Variants in MYO1D observed in about 807,000 individuals in gnomAD.
The protein encoded by MYO1D is myosin ID.
MYO1D carries 83 observed loss-of-function variants against 122.0 expected under a neutral mutation model. That is an observed-to-expected ratio of 0.68 (90% CI 0.57 to 0.82). MYO1D has a LOEUF of 0.82. Ranked by LOEUF, MYO1D falls within the 40% of genes least tolerant of loss-of-function variation. The pLI is 0.00. For missense variants in MYO1D, 1,157 were observed against 1,269.5 expected (o/e 0.91, Z 1.35); for synonymous variants, 464 against 446.9 (o/e 1.04, Z -0.48).
intron 16 of MYO1D, among the ~76,000 whole-genome samples, chr17:32,668,452 G>C (rs1173619113): frequency 6.6e-6 from 1 of 152,160 alleles, no homozygotes; most frequent in Non-Finnish European, 1.5e-5. Flanking sequence ...TTAGTGGTTT[G>C]CAAATAATCT....
At chr17:32,737,395 C>G (rs1286721376) in intron 14 of MYO1D, among the ~76,000 whole-genome samples, 1 of 150,276 alleles carries the variant, frequency 6.7e-6, no homozygotes, top group Admixed American at 6.6e-5. Flanking sequence ...AGGTCCTGCT[C>G]TATCACCCAG....
At chr17:32,532,617 T>C (rs906535961) in intron 21 of MYO1D, among the ~76,000 whole-genome samples, 1 of 150,774 alleles carries the variant, frequency 6.6e-6, no homozygotes, top group African/African-American at 2.4e-5. Context: ...TCCCAGCTAC[T>C]CGGGAGGCTG....
chr17:32,728,284 C>T (rs1169534084), intron 14 of MYO1D, among the ~76,000 whole-genome samples: 1 of 151,752 alleles, frequency 6.6e-6, no homozygotes, highest in Admixed American at 6.6e-5. Flanking sequence ...CAGCTCATTG[C>T]AACCTCGGAC....
At chr17:32,740,082 T>C (rs1304633444) in intron 13 of MYO1D, among the ~76,000 whole-genome samples, 1 of 152,262 alleles carries the variant, frequency 6.6e-6, no homozygotes, top group African/African-American at 2.4e-5. Flanking sequence ...TTGTTTTTCC[T>C]TAACTTTTTC....
chr17:32,873,323 C>A (rs562189182), intron 1 of MYO1D, among the ~76,000 whole-genome samples: 9 of 152,084 alleles, frequency 5.9e-5, no homozygotes, highest in Non-Finnish European at 1.0e-4. Context: ...AGGAAGCAGG[C>A]CTTGCAGAAG....
At chr17:32,683,699 T>A (rs1030320181) in intron 16 of MYO1D, among the ~76,000 whole-genome samples, 1 of 151,818 alleles carries the variant, frequency 6.6e-6, no homozygotes, top group Non-Finnish European at 1.5e-5. Flanking sequence ...ACTGCTGTCT[T>A]TTTGTTTGTC....
intron 10 of MYO1D, among the ~76,000 whole-genome samples, chr17:32,756,052 G>C (rs2089944368): frequency 6.6e-6 from 1 of 152,094 alleles, no homozygotes; most frequent in Non-Finnish European, 1.5e-5. Context: ...TAACCTTAAA[G>C]TATTATCTGA....
chr17:32,583,473 T>C (rs1418462906), intron 21 of MYO1D, among the ~76,000 whole-genome samples: 1 of 152,190 alleles, frequency 6.6e-6, no homozygotes, highest in Non-Finnish European at 1.5e-5. Flanking sequence ...TCTGTCCTCC[T>C]CCTTCCTTCG....
At chr17:32,593,058 C>G (rs1300035916) in intron 21 of MYO1D, among the ~76,000 whole-genome samples, 1 of 152,210 alleles carries the variant, frequency 6.6e-6, no homozygotes, top group African/African-American at 2.4e-5. Flanking sequence ...CACCACTTCT[C>G]TGGCCAAAGT....
At chr17:32,661,313 C>T (rs1180159710) in intron 16 of MYO1D, among the ~76,000 whole-genome samples, 1 of 152,280 alleles carries the variant, frequency 6.6e-6, no homozygotes, top group East Asian at 1.9e-4. Context: ...CAGTCTCAAT[C>T]AACACAAACT....
intron 12 of MYO1D, among the ~76,000 whole-genome samples, chr17:32,746,564 G>A (rs567365464): frequency 6.6e-6 from 1 of 152,172 alleles, no homozygotes; most frequent in East Asian, 1.9e-4. Flanking sequence ...AAATGTTTAT[G>A]TGTATATATG....
At chr17:32,711,383 C>T (rs780041106) in intron 16 of MYO1D, among the ~76,000 whole-genome samples, 3 of 152,172 alleles carry the variant, frequency 2.0e-5, no homozygotes, top group Non-Finnish European at 4.4e-5. Flanking sequence ...CGTGGTGGCT[C>T]ACGCCTGTAA....
At chr17:32,705,577 C>G (rs1480163428) in intron 16 of MYO1D, among the ~76,000 whole-genome samples, 2 of 152,138 alleles carry the variant, frequency 1.3e-5, no homozygotes, top group African/African-American at 2.4e-5. Context: ...ATCTGTAATT[C>G]TTGATACTGA....
chr17:32,647,565 T>C (rs981847062), intron 19 of MYO1D, among the ~76,000 whole-genome samples: 2 of 152,166 alleles, frequency 1.3e-5, no homozygotes, highest in Non-Finnish European at 2.9e-5. Flanking sequence ...GATCAACTGC[T>C]CTGATTATTA....
At chr17:32,532,238 T>C (rs1910526232) in intron 21 of MYO1D, among the ~76,000 whole-genome samples, 1 of 152,252 alleles carries the variant, frequency 6.6e-6, no homozygotes, top group South Asian at 2.1e-4. Context: ...ACCTTTCTTT[T>C]ACCTTTCAAC....
intron 11 of MYO1D, 75 bp downstream of exon 11, chr17:32,755,416 TA>T: frequency 7.0e-7 from 1 of 1,425,968 alleles, no homozygotes; most frequent in Non-Finnish European, 9.6e-7. Flanking sequence ...TCCCAACATA[TA>T]AAGTCGTTGA....
Position 32,513,764 on chromosome 17 carries a change from G to A in MYO1D, c.2865-18849C>T, listed in dbSNP as rs537497776. ...TAGAGTTGAAATGGTAAGCCTGCCC[G>A]CACAGCTGTGTCTCAGCAACCTGGC... On this transcript the variant is annotated intron_variant, in intron 21 of 21. Transcript: ENST00000318217. 7.2e-5 allele frequency among the ~76,000 whole-genome samples: 11 copies of A among 151,882 alleles called. No individual in the cohort carries two copies. In the South Asian group the frequency reaches 1.5e-3, roughly 20 times the overall value.
At chr17:32,799,004 CA>C (rs2090439672) in intron 1 of MYO1D, among the ~76,000 whole-genome samples, 1 of 152,148 alleles carries the variant, frequency 6.6e-6, no homozygotes. Context: ...AATGGGTCCA[CA>C]TTCAGAAACA....
chr17:32,739,035 G>A (rs997528299), intron 13 of MYO1D, among the ~76,000 whole-genome samples: 3 of 152,022 alleles, frequency 2.0e-5, no homozygotes, highest in Admixed American at 1.3e-4. Flanking sequence ...TGCATTTCAG[G>A]CCAATTTTCA....
Sources: allele counts gnomAD v4.1 joint callset (sites outside exome capture counted in the v4.1 genomes callset), GRCh38; gene constraint gnomAD v4.1.1; transcripts MANE v1.5; gene names NCBI Gene and HGNC (gene_info 2026-07-23, HGNC 2026-07-21).